Variants in PIK3C2G observed in about 807,000 individuals in gnomAD.
PIK3C2G encodes phosphatidylinositol 3-kinase C2 domain-containing subunit gamma.
Under a neutral mutation model 181.1 loss-of-function variants are expected in PIK3C2G, and 168 were observed. That is an observed-to-expected ratio of 0.93 (90% CI 0.82 to 1.05). The LOEUF is 1.05. PIK3C2G is among the 50% of genes least tolerant of loss of function. PIK3C2G has a pLI of 0.00. For synonymous variants in PIK3C2G, 573 were observed against 592.2 expected (o/e 0.97, Z 0.47); for missense variants, 1,869 against 1,732.8 (o/e 1.08, Z -1.40).
chr12:18,419,985 C>G (rs1042501889), intron 16 of PIK3C2G, among the ~76,000 whole-genome samples: 1 of 152,164 alleles, frequency 6.6e-6, no homozygotes, highest in Non-Finnish European at 1.5e-5. Context: ...CCTCACCTGA[C>G]TGGTTGAAAA....
chr12:18,425,827 T>C (rs754043593), intron 18 of PIK3C2G, among the ~76,000 whole-genome samples: 21 of 152,240 alleles, frequency 1.4e-4, no homozygotes, highest in Non-Finnish European at 2.6e-4. Flanking sequence ...AATGATTCTG[T>C]GAAAAGATTT....
At chr12:18,641,014 G>T (rs1454722648) in intron 32 of PIK3C2G, among the ~76,000 whole-genome samples, 1 of 152,014 alleles carries the variant, frequency 6.6e-6, no homozygotes, top group African/African-American at 2.4e-5. Context: ...TAATTTATTT[G>T]TAATGTGCAA....
intron 10 of PIK3C2G, among the ~76,000 whole-genome samples, chr12:18,344,198 A>G (rs1046525878): frequency 1.3e-5 from 2 of 152,124 alleles, no homozygotes; most frequent in African/African-American, 4.8e-5. Flanking sequence ...CAGATGTTCA[A>G]CTAACCCCTG....
chr12:18,647,984 C>T lies in PIK3C2G; in HGVS notation c.4417C>T (p.Leu1473Phe), dbSNP rs1950237948. 6.3e-7 allele frequency: 1 copy of T among 1,596,464 alleles called. No homozygotes were observed. The highest frequency in any genetic ancestry group is 1.1e-5 in the South Asian group (1 of 88,712). Residue 1473 changes from leucine to phenylalanine, a missense_variant, in exon 33 of 33, where the codon CTC (leucine) becomes TTC (phenylalanine). Leu to Phe is a conservative substitution (Grantham distance 22). Transcript: ENST00000538779. ...TAACATCCGACTCTGTAGTGTCCCA[C>T]TCGATAAAGAAAAATGGTATCCATT... ...AINIRLCSVP[L>F]DKEKWYPLGN...
chr12:18,403,760 G>C (rs1944377215), intron 16 of PIK3C2G, among the ~76,000 whole-genome samples: 1 of 152,100 alleles, frequency 6.6e-6, no homozygotes, highest in Non-Finnish European at 1.5e-5. Flanking sequence ...TGCCAGCAGA[G>C]AGCTCCCTGG....
intron 1 of PIK3C2G, among the ~76,000 whole-genome samples, chr12:18,254,581 A>T (rs934150052): frequency 6.6e-6 from 1 of 151,972 alleles, no homozygotes; most frequent in African/African-American, 2.4e-5. Context: ...GTGGTAGCTC[A>T]CACCTGTAAT....
chr12:18,381,516 G>C (rs981759192), intron 13 of PIK3C2G, among the ~76,000 whole-genome samples: 7 of 152,120 alleles, frequency 4.6e-5, no homozygotes, highest in African/African-American at 1.7e-4. Flanking sequence ...AAACCACTGT[G>C]GGCAAATAAT....
At chr12:18,284,019 G>A (rs1035483804) in intron 2 of PIK3C2G, among the ~76,000 whole-genome samples, 25 of 152,170 alleles carry the variant, frequency 1.6e-4, no homozygotes, top group Middle Eastern at 3.4e-3. Context: ...CCAAGTTGCA[G>A]AAGCAGCTGT....
chr12:18,642,861 T>G (rs10841055), intron 32 of PIK3C2G, among the ~76,000 whole-genome samples: 16,209 of 151,256 alleles, frequency 0.11, 955 homozygotes, highest in Middle Eastern at 0.18. Context: ...CATATATATA[T>G]AGAGAGAGAG....
chr12:18,377,754 C>T, intron 13 of PIK3C2G, among the ~76,000 whole-genome samples: 1 of 152,176 alleles, frequency 6.6e-6, no homozygotes, highest in East Asian at 1.9e-4. Flanking sequence ...AATGTTTTCA[C>T]AGGAGTAATA....
chr12:18,551,821 A>G (rs1048090963), intron 26 of PIK3C2G, among the ~76,000 whole-genome samples: 8 of 152,110 alleles, frequency 5.3e-5, no homozygotes, highest in African/African-American at 1.9e-4. Flanking sequence ...TACTCTGTTT[A>G]CCTCTGCTTA....
At chr12:18,574,950 G>C (rs1363899496) in intron 29 of PIK3C2G, among the ~76,000 whole-genome samples, 2 of 152,056 alleles carry the variant, frequency 1.3e-5, no homozygotes, top group African/African-American at 4.8e-5. Flanking sequence ...ATATATCAAT[G>C]CATATATACA....
chr12:18,338,287 G>A, intron 8 of PIK3C2G, 139 bp from the exon 9 acceptor site: 1 of 655,690 alleles, frequency 1.5e-6, no homozygotes, highest in Non-Finnish European at 2.6e-6. Context: ...AGAGTCTTGA[G>A]AACTTTCTTT....
intron 10 of PIK3C2G, among the ~76,000 whole-genome samples, 190 bp downstream of exon 10, chr12:18,343,550 A>T (rs539958120): frequency 1.3e-5 from 2 of 152,094 alleles, no homozygotes; most frequent in East Asian, 3.9e-4. Context: ...GGAAGTGATT[A>T]TTCTGCAAGG....
intron 8 of PIK3C2G, among the ~76,000 whole-genome samples, chr12:18,334,091 C>A (rs944315920): frequency 1.1e-4 from 16 of 152,072 alleles, no homozygotes; most frequent in Admixed American, 6.5e-4. Flanking sequence ...TTAGAATATA[C>A]TACATAAAAT....
chr12:18,398,148 T>C (rs1944004316), intron 15 of PIK3C2G, among the ~76,000 whole-genome samples: 1 of 152,164 alleles, frequency 6.6e-6, no homozygotes, highest in African/African-American at 2.4e-5. Context: ...TATATCTTGA[T>C]AGGAGTGTGG....
the PIK3C2G span, chr12:18,723,668 T>TAC: frequency 1.2e-6 from 1 of 833,290 alleles, no homozygotes; most frequent in Non-Finnish European, 1.9e-6. Flanking sequence ...ATTGGATTCT[T>TAC]ATTGAAGATA....
In PIK3C2G at chr12:18,362,872, C is replaced by A; in HGVS notation, c.1734C>A (p.Val578=). The A allele has an allele frequency of 4.0e-6, 6 of 1,504,848 alleles. No individual in the cohort carries two copies. The South Asian group carries it at 7.6e-5, about 19-fold the overall frequency. 93.2% of individuals were successfully genotyped at this position (1,504,848 alleles called of 1,614,324 possible). The change falls in exon 12 of 33, where the codon GTC becomes GTA. Residue 578 remains valine, a synonymous_variant. Coordinates refer to ENST00000538779, the MANE Select transcript of PIK3C2G (RefSeq NM_001288772.2). ...ACAAGAAATTATTTTTTTTCTTGGT[C>A]AACTGGAATGAAACGTAAGTTTAAT... is the stretch of plus-strand genomic sequence containing the variant. The part of the protein sequence containing the change: ...IPDKKLFFFL[V]NWNETINFPL...
intron 18 of PIK3C2G, among the ~76,000 whole-genome samples, chr12:18,486,178 AG>A: frequency 6.6e-6 from 1 of 152,288 alleles, no homozygotes; most frequent in Admixed American, 6.5e-5. Flanking sequence ...TTGAGTAAAA[AG>A]CCATGGATCT....
Sources: gnomAD v4.1 joint callset for allele counts (sites outside exome capture counted in the v4.1 genomes callset) on GRCh38, gnomAD v4.1.1 for gene constraint, MANE v1.5 for transcripts, NCBI Gene and HGNC (gene_info 2026-07-23, HGNC 2026-07-21) for gene names.